The following FLT1 variants were observed in gnomAD, a reference collection of about 807,000 sequenced individuals.
The protein encoded by FLT1 is vascular endothelial growth factor receptor 1.
FLT1 carries 49 observed loss-of-function variants against 156.3 expected under a neutral mutation model. The observed-to-expected ratio is 0.31, with a 90% CI of 0.25 to 0.40. FLT1 has a LOEUF of 0.40. Ranked by LOEUF, FLT1 falls within the 10% of genes least tolerant of loss-of-function variation. FLT1 has a pLI of 1.00. For synonymous variants in FLT1, 594 were observed against 583.8 expected (o/e 1.02, Z -0.25); for missense variants, 1,322 against 1,637.2 (o/e 0.81, Z 3.32).
intron 11 of FLT1, among the ~76,000 whole-genome samples, chr13:28,403,087 T>C (rs779983180): frequency 2.0e-4 from 31 of 152,190 alleles, no homozygotes; most frequent in Non-Finnish European, 7.3e-5. Flanking sequence ...AGGCACTGCG[T>C]CTGGCCTTCA....
chr13:28,360,167 A>G (rs189799013), intron 14 of FLT1, among the ~76,000 whole-genome samples: 1 of 152,336 alleles, frequency 6.6e-6, no homozygotes, highest in Admixed American at 6.5e-5. Flanking sequence ...ATTAGCTATT[A>G]TTAAAAAGAT....
chr13:28,406,945 T>C (rs1385072857), intron 10 of FLT1, among the ~76,000 whole-genome samples: 1 of 152,186 alleles, frequency 6.6e-6, no homozygotes, highest in Non-Finnish European at 1.5e-5. Flanking sequence ...GTTCCGTTAC[T>C]ATTCCTCCCT....
At chr13:28,357,822 G>T in intron 14 of FLT1, 137 bp from the exon 15 acceptor site, 5 of 667,620 alleles carry the variant, frequency 7.5e-6, no homozygotes, top group East Asian at 3.1e-5. Context: ...GGGCAGGGTT[G>T]CTTATTTGTT....
At chr13:28,397,749 C>CGTGTGTGTGTGT (rs35710786) in intron 11 of FLT1, among the ~76,000 whole-genome samples, 8 of 129,800 alleles carry the variant, frequency 6.2e-5, no homozygotes, top group South Asian at 2.7e-4. Context: ...TGAAGGAGAC[C>CGTGTGTGTGTGT]GTGTGTGTGT....
chr13:28,424,101 G>A (rs569772640), intron 10 of FLT1, among the ~76,000 whole-genome samples: 1 of 151,856 alleles, frequency 6.6e-6, no homozygotes, highest in Non-Finnish European at 1.5e-5. Context: ...ACCGCTCCTG[G>A]CTAATTTTTG....
At chr13:28,368,575 T>G in intron 14 of FLT1, 79 of 1,465,278 alleles carry the variant, frequency 5.4e-5, no homozygotes, top group Non-Finnish European at 6.9e-5. Context: ...ATAATGATGA[T>G]AGCTATGATG....
intron 3 of FLT1, among the ~76,000 whole-genome samples, chr13:28,466,403 C>T (rs991933375): frequency 6.6e-6 from 1 of 152,068 alleles, no homozygotes; most frequent in African/African-American, 2.4e-5. Context: ...ATAGTAGTTC[C>T]TCAGTGAACA....
chr13:28,374,040 GAGA>G (rs1162828034), intron 14 of FLT1, among the ~76,000 whole-genome samples: 1 of 152,152 alleles, frequency 6.6e-6, no homozygotes, highest in East Asian at 1.9e-4. Context: ...GTCAAAAAAG[GAGA>G]AGCTTTAATG....
At chr13:28,321,388 T>G (rs1871454538) in intron 23 of FLT1, 75 bp downstream of exon 23, 3 of 1,536,398 alleles carry the variant, frequency 2.0e-6, no homozygotes, top group Non-Finnish European at 1.8e-6. Context: ...GCTGAGGAAG[T>G]GTAAATATTT....
At chr13:28,468,817 A>G (rs1879991444) in intron 1 of FLT1, among the ~76,000 whole-genome samples, 1 of 152,200 alleles carries the variant, frequency 6.6e-6, no homozygotes, top group South Asian at 2.1e-4. Flanking sequence ...ATGCTTGTAC[A>G]GCCTGGAGAA....
At chr13:28,457,989 C>T (rs1879361197) in intron 3 of FLT1, among the ~76,000 whole-genome samples, 2 of 132,588 alleles carry the variant, frequency 1.5e-5, no homozygotes, top group African/African-American at 6.0e-5. Flanking sequence ...GGCTGGAGTG[C>T]AGTGGCGCAA....
At chr13:28,419,756 G>A (rs1876887335) in intron 10 of FLT1, among the ~76,000 whole-genome samples, 1 of 152,192 alleles carries the variant, frequency 6.6e-6, no homozygotes, top group African/African-American at 2.4e-5. Flanking sequence ...GCACGCGCCT[G>A]TAGTCCCAGC....
At chr13:28,399,432 A>G (rs1875289226) in intron 11 of FLT1, among the ~76,000 whole-genome samples, 1 of 152,138 alleles carries the variant, frequency 6.6e-6, no homozygotes, top group African/African-American at 2.4e-5. Context: ...TCTATGAGTC[A>G]TGTTTGGGTT....
chr13:28,388,130 C>G (rs746921639), intron 13 of FLT1: 2 of 1,057,696 alleles, frequency 1.9e-6, no homozygotes, highest in Non-Finnish European at 2.3e-6. Flanking sequence ...ACAAAGAAGC[C>G]AGGCCAAAGA....
At chr13:28,387,836 G>T (rs1003477863) in intron 13 of FLT1, 1 of 1,020,468 alleles carries the variant, frequency 9.8e-7, no homozygotes, top group Non-Finnish European at 1.2e-6. Flanking sequence ...CTCTCCGGAA[G>T]GATTAATTAC....
At position 28,350,135 on chromosome 13, in the gene FLT1, G is replaced by A. The variant is rs191425756; in HGVS notation, c.2249-4584C>T. Among the ~76,000 whole-genome samples, 5 of 152,324 alleles carry A rather than the reference G, an allele frequency of 3.3e-5. No homozygotes were observed. The East Asian group carries it at 9.7e-4, about 29-fold the overall frequency. ...GATAACCCAGCAGCACACAGGAGTGGAAAGAGGCCAGGGAAATGTGGGTGG... is the reference window on the plus strand; with the variant it reads ...GATAACCCAGCAGCACACAGGAGTGAAAAGAGGCCAGGGAAATGTGGGTGG... On this transcript the variant is annotated intron_variant, in intron 15 of 29. Transcript: ENST00000282397.
intron 10 of FLT1, among the ~76,000 whole-genome samples, chr13:28,425,983 AT>A (rs1877317001): frequency 1.3e-5 from 2 of 152,228 alleles, no homozygotes; most frequent in Admixed American, 1.3e-4. Context: ...CTTCCCAGGA[AT>A]TCCATAGCTC....
chr13:28,312,210 T>C (rs1871034669), intron 25 of FLT1, 112 bp from the exon 26 acceptor site: 2 of 755,678 alleles, frequency 2.6e-6, no homozygotes, highest in African/African-American at 3.4e-5. Flanking sequence ...CCAAGCTTTC[T>C]GTACTATGTG....
intron 15 of FLT1, among the ~76,000 whole-genome samples, chr13:28,355,856 T>C (rs999307494): frequency 2.6e-5 from 4 of 152,058 alleles, no homozygotes; most frequent in African/African-American, 7.2e-5. Flanking sequence ...GTTCTGAAGG[T>C]GGGGAGAAGA....
Sources: gnomAD v4.1 joint callset for allele counts (sites outside exome capture counted in the v4.1 genomes callset) on GRCh38, gnomAD v4.1.1 for gene constraint, MANE v1.5 for transcripts, NCBI Gene and HGNC (gene_info 2026-07-23, HGNC 2026-07-21) for gene names.